Variants in COL14A1 observed in about 807,000 individuals in gnomAD.
COL14A1 encodes collagen type XIV alpha 1 chain, also known as collagen alpha-1(XIV) chain.
In COL14A1, 136 loss-of-function variants were observed where a neutral mutation model predicts 230.3. The observed-to-expected ratio is 0.59, with a 90% CI of 0.51 to 0.68. The LOEUF is 0.68. COL14A1 is among the 30% of genes least tolerant of loss of function. COL14A1 has a pLI of 0.00. For missense variants in COL14A1, 1,976 were observed against 2,215.8 expected, an observed-to-expected ratio of 0.89 and a Z score of 2.17; for synonymous variants, 792 against 784.1, an observed-to-expected ratio of 1.01 and a Z score of -0.17.
intron 37 of COL14A1, 26 bp downstream of exon 37, chr8:120,310,088 T>G (rs1358002873): frequency 1.2e-6 from 2 of 1,610,340 alleles, no homozygotes; most frequent in East Asian, 4.5e-5. Context: ...TCTCTCTCTC[T>G]CTGTCTCATC....
intron 21 of COL14A1, among the ~76,000 whole-genome samples, chr8:120,248,146 G>C (rs941082092): frequency 6.6e-6 from 1 of 151,906 alleles, no homozygotes; most frequent in African/African-American, 2.4e-5. Flanking sequence ...TCTTGGATTA[G>C]TTGGAAAATT....
intron 3 of COL14A1, among the ~76,000 whole-genome samples, chr8:120,161,628 G>C (rs1235529474): frequency 6.6e-6 from 1 of 152,076 alleles, no homozygotes; most frequent in Non-Finnish European, 1.5e-5. Flanking sequence ...AAAAATTCCA[G>C]TGTAAATAAT....
chr8:120,142,473 C>A (rs1586711790), intron 1 of COL14A1, among the ~76,000 whole-genome samples: 1 of 152,250 alleles, frequency 6.6e-6, no homozygotes, highest in East Asian at 1.9e-4. Context: ...TAACCATTTT[C>A]CCAATGTCTT....
intron 36 of COL14A1, among the ~76,000 whole-genome samples, chr8:120,303,672 A>G (rs544308348): frequency 2.6e-5 from 4 of 152,330 alleles, no homozygotes; most frequent in Admixed American, 1.3e-4. Context: ...ATTGATGTTC[A>G]TCAAGGATAT....
chr8:120,309,639 C>A (rs1820963794), intron 36 of COL14A1, among the ~76,000 whole-genome samples: 1 of 152,082 alleles, frequency 6.6e-6, no homozygotes, highest in Admixed American at 6.6e-5. Flanking sequence ...TTAATTGGAT[C>A]ATCTCAAAGT....
At chr8:120,199,281 A>G (rs777928256) in intron 7 of COL14A1, 121 bp from the exon 8 acceptor site, 83 of 819,038 alleles carry the variant, frequency 1.0e-4, no homozygotes, top group Non-Finnish European at 1.9e-5. Flanking sequence ...AAAAATGAAG[A>G]TTTGCATGTA....
chr8:120,367,323 G>T, intron 46 of COL14A1, 75 bp downstream of exon 46: 2 of 1,209,826 alleles, frequency 1.7e-6, no homozygotes, highest in African/African-American at 1.5e-5. Flanking sequence ...TGAGGAAAAT[G>T]GTCATCTTAC....
At position 120,214,511 on chromosome 8, in the gene COL14A1, A is replaced by G. The variant is rs181520812; in HGVS notation, c.1598-1840A>G. Among the ~76,000 whole-genome samples, 19 of 152,332 alleles carry G rather than the reference A, an allele frequency of 1.2e-4. No homozygotes were observed. The East Asian group carries it at 3.3e-3, about 26-fold the overall frequency. ...GGTCCTTGAAGAGGTTCAAAAAGCT[A>G]TGGAATTGACAGTTAGGAATCTGCA... is the stretch of plus-strand genomic sequence containing the variant. On this transcript the variant is annotated intron_variant, in intron 13 of 47. Coordinates refer to ENST00000297848, the MANE Select transcript of COL14A1 (RefSeq NM_021110.4).
chr8:120,289,334 G>A (rs1021625523), intron 33 of COL14A1, among the ~76,000 whole-genome samples: 2 of 152,128 alleles, frequency 1.3e-5, no homozygotes, highest in African/African-American at 4.8e-5. Context: ...TCAAAGATGC[G>A]ATTGCTCTCG....
intron 5 of COL14A1, among the ~76,000 whole-genome samples, chr8:120,193,758 T>C (rs1039155154): frequency 6.6e-6 from 1 of 152,162 alleles, no homozygotes; most frequent in African/African-American, 2.4e-5. Context: ...CAATGGTGGG[T>C]GCCCCTCCCC....
chr8:120,280,691 T>A lies in COL14A1; in HGVS notation c.3647-20T>A. 1 of 1,611,734 alleles carries A rather than the reference T, an allele frequency of 6.2e-7. No individual in the cohort carries two copies. Among genetic ancestry groups the A allele is most frequent in the Non-Finnish European group, 8.5e-7 (1 of 1,178,564 alleles). Reference sequence around the variant, plus strand: ...GAAATATCCGAATTAGAGTTTTATTTTGTTTGTTTGGTTTTCCAGCCTGTC... The same window carrying A: ...GAAATATCCGAATTAGAGTTTTATTATGTTTGTTTGGTTTTCCAGCCTGTC... On this transcript the variant is annotated intron_variant, in intron 29 of 47. Coordinates refer to ENST00000297848, the MANE Select transcript of COL14A1 (RefSeq NM_021110.4).
intron 31 of COL14A1, among the ~76,000 whole-genome samples, chr8:120,281,513 C>T (rs1820039088): frequency 6.7e-6 from 1 of 149,982 alleles, no homozygotes; most frequent in African/African-American, 2.5e-5. Flanking sequence ...TGCAGTGTGC[C>T]ATGATCACGC....
intron 9 of COL14A1, among the ~76,000 whole-genome samples, chr8:120,205,678 C>A (rs1044393699): frequency 6.6e-6 from 1 of 152,110 alleles, no homozygotes; most frequent in Non-Finnish European, 1.5e-5. Flanking sequence ...GGCTGGGCAC[C>A]CAAGCAGTAT....
rs762327640 is a variant in COL14A1, at chr8:120,250,687, C to T, written c.2673C>T (p.Ser891=). The change falls in exon 22 of 48, where the codon AGC becomes AGT. Residue 891 remains serine, a synonymous_variant. Coordinates refer to ENST00000297848, the MANE Select transcript of COL14A1 (RefSeq NM_021110.4). ...INTILITNLL[S]GMDYNVKIFA... ...CCATCCTTATCACAAACCTCCTCAG[C>T]GGAATGGACTACAATGTGAAGATAT... 1.5e-5 allele frequency: 24 copies of T among 1,614,220 alleles called. No individual in the cohort carries two copies. The Admixed American group carries it at 2.0e-4, about 13-fold the overall frequency.
chr8:120,220,843 G>A (rs1261572578), intron 14 of COL14A1, among the ~76,000 whole-genome samples: 5 of 152,076 alleles, frequency 3.3e-5, no homozygotes. Context: ...GATAATGATG[G>A]TGATGATTAT....
intron 26 of COL14A1, 120 bp downstream of exon 26, chr8:120,270,294 A>C: frequency 9.9e-7 from 1 of 1,011,816 alleles, no homozygotes; most frequent in Non-Finnish European, 1.4e-6. Flanking sequence ...TCAACCTTAA[A>C]TGAAAGGATA....
At chr8:120,148,503 A>C (rs1412199228) in intron 2 of COL14A1, among the ~76,000 whole-genome samples, 3 of 152,164 alleles carry the variant, frequency 2.0e-5, no homozygotes, top group African/African-American at 4.8e-5. Context: ...TTATGATATC[A>C]GTTATATTAA....
chr8:120,252,673 A>G (rs1194006402), intron 22 of COL14A1, among the ~76,000 whole-genome samples: 1 of 152,206 alleles, frequency 6.6e-6, no homozygotes, highest in Non-Finnish European at 1.5e-5. Flanking sequence ...GATTACAGAG[A>G]AAAAATGTAT....
intron 4 of COL14A1, among the ~76,000 whole-genome samples, chr8:120,167,001 T>A (rs903383706): frequency 6.6e-6 from 1 of 151,250 alleles, no homozygotes; most frequent in African/African-American, 2.4e-5. Flanking sequence ...TTTTAAAAAA[T>A]TGTTATAAAA....
Sources: allele counts gnomAD v4.1 joint callset (sites outside exome capture counted in the v4.1 genomes callset), GRCh38; gene constraint gnomAD v4.1.1; transcripts MANE v1.5; gene names NCBI Gene and HGNC (gene_info 2026-07-23, HGNC 2026-07-21).